SKI: variants seen among roughly 807,000 people sequenced by gnomAD.
SKI encodes SKI proto-oncogene.
SKI carries 23 observed loss-of-function variants against 59.3 expected under a neutral mutation model. That is an observed-to-expected ratio of 0.39 (90% CI 0.28 to 0.55). SKI has a LOEUF of 0.55. Ranked by LOEUF, SKI falls within the 20% of genes least tolerant of loss-of-function variation. The pLI, the probability that SKI is intolerant of heterozygous loss-of-function variation, is 0.67. For missense variants in SKI, 1,017 were observed against 1,038.9 expected, an observed-to-expected ratio of 0.98 and a Z score of 0.29; for synonymous variants, 673 against 488.6, an observed-to-expected ratio of 1.38 and a Z score of -4.98.
chr1:2,244,994 C>T (rs918992191), intron 1 of SKI, among the ~76,000 whole-genome samples: 2 of 152,166 alleles, frequency 1.3e-5, no homozygotes, highest in Admixed American at 6.5e-5. Flanking sequence ...ATATACGCAC[C>T]TAACCTCAGA....
intron 1 of SKI, among the ~76,000 whole-genome samples, chr1:2,238,338 T>C (rs1253491251): frequency 6.6e-6 from 1 of 152,246 alleles, no homozygotes; most frequent in East Asian, 1.9e-4. Context: ...GCTGGGCCTC[T>C]GCATCCTAGG....
chr1:2,286,733 G>A (rs564795836), intron 1 of SKI, among the ~76,000 whole-genome samples: 3 of 152,318 alleles, frequency 2.0e-5, no homozygotes, highest in Admixed American at 2.0e-4. Flanking sequence ...GGCTGTGGGC[G>A]CCTGTCTCCC....
Position 2,310,203 on chromosome 1 carries a change from C to G in SKI, c.*3438C>G, listed in dbSNP as rs1640717552. 6.6e-6 allele frequency: 1 copy of G among 152,166 alleles called. No homozygotes were observed. Among genetic ancestry groups the G allele is most frequent in the Non-Finnish European group, 1.5e-5 (1 of 68,042 alleles). The allele number at this position is 152,166 out of a possible 1,614,324, so 9.4% of individuals were successfully genotyped here. ...ACAGATGACATTGTACAATAAAGGA[C>G]TTTGAGAGGACCGCGGGACAGCTGT... On this transcript the variant is annotated 3_prime_UTR_variant, in exon 7 of 7. Coordinates refer to ENST00000378536, the MANE Select transcript of SKI (RefSeq NM_003036.4).
chr1:2,254,582 G>A (rs1255621598), intron 1 of SKI, among the ~76,000 whole-genome samples: 1 of 152,184 alleles, frequency 6.6e-6, no homozygotes. Flanking sequence ...TGCAGTGACC[G>A]GTCTACCTGT....
intron 1 of SKI, among the ~76,000 whole-genome samples, chr1:2,235,493 C>T (rs1415269924): frequency 6.6e-6 from 1 of 152,220 alleles, no homozygotes; most frequent in Non-Finnish European, 1.5e-5. Flanking sequence ...TGGCTCACCC[C>T]GGGGGCTGGG....
chr1:2,277,661 C>T (rs550101973), intron 1 of SKI, among the ~76,000 whole-genome samples: 33 of 152,236 alleles, frequency 2.2e-4, no homozygotes, highest in Non-Finnish European at 3.4e-4. Context: ...TGTGGGCGCA[C>T]ACACCTGCAC....
chr1:2,308,933 C>G lies in SKI; in HGVS notation c.*2168C>G, dbSNP rs878901184. 1 of 152,380 alleles carries G rather than the reference C, an allele frequency of 6.6e-6. No individual in the cohort carries two copies. Among genetic ancestry groups the G allele is most frequent in the Non-Finnish European group, 1.5e-5 (1 of 68,156 alleles). The allele number at this position is 152,380 out of a possible 1,614,324, so 9.4% of individuals were successfully genotyped here. ...AAGCGCTGTATCTGCAGTGGCAGCC[C>G]TTCCCCACTTCGGCTCTGGGAGGGT... On this transcript the variant is annotated 3_prime_UTR_variant, in exon 7 of 7. Transcript: ENST00000378536.
At chr1:2,274,399 G>A (rs1239570674) in intron 1 of SKI, among the ~76,000 whole-genome samples, 3 of 152,100 alleles carry the variant, frequency 2.0e-5, no homozygotes, top group African/African-American at 4.8e-5. Context: ...CACCCATGAC[G>A]GCTGTGCTGC....
chr1:2,268,906 A>G lies in SKI; in HGVS notation c.970-34072A>G, dbSNP rs563946192. ...TTATCCTTTCCCCCCTTCCATGTCC[A>G]TTTCCCTTTTCCCTCCCTCCCTCTC... On this transcript the variant is annotated intron_variant, in intron 1 of 6. Transcript: ENST00000378536. This position sits in a 1 kb window ranked among gnomAD's most constrained non-coding sequence, Gnocchi z 5.0. 2.0e-5 allele frequency among the ~76,000 whole-genome samples: 2 copies of G among 100,390 alleles called. No individual in the cohort carries two copies. The highest frequency in any genetic ancestry group is 3.2e-4 in the South Asian group (1 of 3,112). 65.9% of individuals were successfully genotyped at this position (100,390 alleles called of 152,430 possible).
At chr1:2,237,369 C>A (rs1189121569) in intron 1 of SKI, among the ~76,000 whole-genome samples, 2 of 152,198 alleles carry the variant, frequency 1.3e-5, no homozygotes, top group Non-Finnish European at 2.9e-5. Flanking sequence ...CTGAAGGCTG[C>A]GGCTGTGCCG....
chr1:2,284,202 G>C (rs1419560927), intron 1 of SKI, among the ~76,000 whole-genome samples: 1 of 152,120 alleles, frequency 6.6e-6, no homozygotes, highest in Non-Finnish European at 1.5e-5. Context: ...CCCCAACACA[G>C]CGTCCTCCCC....
intron 1 of SKI, among the ~76,000 whole-genome samples, chr1:2,241,288 A>G (rs772124558): frequency 2.0e-5 from 3 of 152,258 alleles, no homozygotes; most frequent in Admixed American, 6.5e-5. Flanking sequence ...TCACTGAAGT[A>G]GAGAGATTAG....
At chr1:2,274,611 C>CT (rs1191468534) in intron 1 of SKI, among the ~76,000 whole-genome samples, 4 of 152,376 alleles carry the variant, frequency 2.6e-5, no homozygotes, top group Middle Eastern at 3.4e-3. Context: ...CCACGTCCCT[C>CT]TAACATGTTT....
intron 1 of SKI, among the ~76,000 whole-genome samples, chr1:2,295,657 TGA>T: frequency 6.6e-6 from 1 of 152,158 alleles, no homozygotes; most frequent in African/African-American, 2.4e-5. Context: ...GCTGTGTGTA[TGA>T]GAGCCATGCG....
chr1:2,267,987 C>G lies in SKI; in HGVS notation c.970-34991C>G, dbSNP rs1007334687. ...CTCTGTGGGTGCCGGGCAGAGGCCT[C>G]CCAGGCTGGGCAGCCGCCACCCCTC... On this transcript the variant is annotated intron_variant, in intron 1 of 6. Coordinates refer to ENST00000378536, the MANE Select transcript of SKI (RefSeq NM_003036.4). The surrounding 1 kb of genome is among the most constrained non-coding windows in gnomAD (Gnocchi z 4.1). Among the ~76,000 whole-genome samples, 5 of 152,158 alleles carry G rather than the reference C, an allele frequency of 3.3e-5. 1 individual carries two copies. The highest frequency in any genetic ancestry group is 1.2e-4 in the African/African-American group (5 of 41,440).
intron 1 of SKI, among the ~76,000 whole-genome samples, chr1:2,292,427 C>T (rs884940): frequency 0.35 from 53,537 of 152,074 alleles, 10,325 homozygotes; most frequent in East Asian, 0.45. Context: ...ATCTAGCAGA[C>T]GTTCATCAGG....
intron 1 of SKI, among the ~76,000 whole-genome samples, chr1:2,257,306 C>T (rs1639294088): frequency 6.6e-6 from 1 of 152,246 alleles, no homozygotes; most frequent in Non-Finnish European, 1.5e-5. Flanking sequence ...AATTCTTGAC[C>T]ATCTGGTCAC....
intron 1 of SKI, among the ~76,000 whole-genome samples, chr1:2,236,443 G>T (rs1009080355): frequency 6.6e-6 from 1 of 151,728 alleles, no homozygotes; most frequent in African/African-American, 2.4e-5. Flanking sequence ...GTCTTGCTCT[G>T]TTGCCCAGGC....
At chr1:2,299,516 G>A (rs1386663999) in intron 1 of SKI, among the ~76,000 whole-genome samples, 3 of 152,054 alleles carry the variant, frequency 2.0e-5, no homozygotes, top group Non-Finnish European at 4.4e-5. Flanking sequence ...CGCCTCTGCG[G>A]CGTCTCCCTC....
Sources: allele counts gnomAD v4.1 joint callset (sites outside exome capture counted in the v4.1 genomes callset), GRCh38; gene constraint gnomAD v4.1.1; non-coding constraint Gnocchi (gnomAD v3.1); transcripts MANE v1.5; gene names NCBI Gene and HGNC (gene_info 2026-07-23, HGNC 2026-07-21).